Variants in HS2ST1 observed in about 807,000 individuals in gnomAD.
The protein encoded by HS2ST1 is 2-O-sulfotransferase.
Under a neutral mutation model 42.9 loss-of-function variants are expected in HS2ST1, and 18 were observed. The ratio of observed to expected loss-of-function variants is 0.42; its 90% CI spans 0.29 to 0.62. HS2ST1 has a LOEUF of 0.62. Among genes scored for constraint, HS2ST1 ranks in the 20% least tolerant of loss-of-function variants. HS2ST1 has a pLI of 0.21. For synonymous variants in HS2ST1, 146 were observed against 152.9 expected (o/e 0.95, Z 0.33); for missense variants, 334 against 433.8 (o/e 0.77, Z 2.04).
intron 1 of HS2ST1, among the ~76,000 whole-genome samples, chr1:86,981,779 T>C (rs932316576): frequency 6.6e-6 from 1 of 152,210 alleles, no homozygotes; most frequent in Non-Finnish European, 1.5e-5. Flanking sequence ...CGTTTCCAGG[T>C]ACCCAGTGCA....
intron 1 of HS2ST1, among the ~76,000 whole-genome samples, chr1:86,924,201 C>T (rs1660363814): frequency 6.6e-6 from 1 of 152,208 alleles, no homozygotes; most frequent in Non-Finnish European, 1.5e-5. Context: ...GTCTCACATC[C>T]AGGTCACACT....
At chr1:86,922,568 T>G (rs1174203374) in intron 1 of HS2ST1, among the ~76,000 whole-genome samples, 1 of 152,042 alleles carries the variant, frequency 6.6e-6, no homozygotes, top group Non-Finnish European at 1.5e-5. Context: ...AAGTCTTTAT[T>G]TGCTATAGTG....
At chr1:86,939,553 G>A (rs949860221) in intron 1 of HS2ST1, among the ~76,000 whole-genome samples, 1 of 152,098 alleles carries the variant, frequency 6.6e-6, no homozygotes, top group African/African-American at 2.4e-5. Flanking sequence ...AGTGGTTTTC[G>A]CTCTTGGCTA....
intron 1 of HS2ST1, among the ~76,000 whole-genome samples, chr1:86,959,152 G>T (rs907194809): frequency 1.3e-5 from 2 of 152,094 alleles, no homozygotes; most frequent in African/African-American, 4.8e-5. Context: ...TGAGAACATA[G>T]ATCCTTTTCT....
At chr1:86,957,981 C>T (rs1778003) in intron 1 of HS2ST1, among the ~76,000 whole-genome samples, 36,601 of 151,826 alleles carry the variant, frequency 0.24, 5,197 homozygotes, top group African/African-American at 0.39. Context: ...TTAGTAAAGA[C>T]GGGGTTTCAC....
At chr1:86,929,671 C>A (rs1326613327) in intron 1 of HS2ST1, among the ~76,000 whole-genome samples, 1 of 151,622 alleles carries the variant, frequency 6.6e-6, no homozygotes, top group South Asian at 2.1e-4. Flanking sequence ...TAAAATAACT[C>A]TTTGGCCTCT....
rs1660099646 is a variant in HS2ST1 at position 86,914,737 on chromosome 1, A to G, written c.-300A>G. On this transcript the variant is annotated 5_prime_UTR_variant, in exon 1 of 7. Coordinates refer to ENST00000370550, the MANE Select transcript of HS2ST1 (RefSeq NM_012262.4). ...AAGCAGGCGGGCGCGGGGGTCGGGG[A>G]CTGAGGCAGTAGAGGGAGGCGAGAG... 1 of 388,232 alleles carries G rather than the reference A, an allele frequency of 2.6e-6. No individual in the cohort carries two copies. Among genetic ancestry groups the G allele is most frequent in the Non-Finnish European group, 4.7e-6 (1 of 213,390 alleles). The allele number at this position is 388,232 out of a possible 1,614,324, so 24.0% of individuals were successfully genotyped here. A position where few individuals can be genotyped will look rare whatever the true frequency, so the allele number is the denominator to read the frequency against.
At chr1:87,101,147 GTGTTTTTTGTTTTTT>G (rs1652188982) in intron 5 of HS2ST1, among the ~76,000 whole-genome samples, 1 of 75,892 alleles carries the variant, frequency 1.3e-5, no homozygotes, top group African/African-American at 4.9e-5. Context: ...GTGTGTGTGT[GTGTTTTTTGTTTTTT>G]TTTTTTTTTT....
intron 5 of HS2ST1, among the ~76,000 whole-genome samples, chr1:87,101,236 G>A (rs1164336918): frequency 1.5e-5 from 2 of 136,716 alleles, no homozygotes; most frequent in Non-Finnish European, 3.0e-5. Context: ...CACGATCTCG[G>A]TTCACTGCAA....
At chr1:87,010,730 G>A (rs1649574715) in intron 1 of HS2ST1, among the ~76,000 whole-genome samples, 1 of 151,912 alleles carries the variant, frequency 6.6e-6, no homozygotes, top group Non-Finnish European at 1.5e-5. Flanking sequence ...CACAATAAAA[G>A]CATATAAAGA....
chr1:86,995,794 T>C (rs1649081056), intron 1 of HS2ST1, among the ~76,000 whole-genome samples: 1 of 151,958 alleles, frequency 6.6e-6, no homozygotes, highest in African/African-American at 2.4e-5. Context: ...AAAAAATAAG[T>C]AAATAAGACA....
intron 1 of HS2ST1, among the ~76,000 whole-genome samples, chr1:86,948,228 T>C (rs1268290218): frequency 6.6e-6 from 1 of 152,208 alleles, no homozygotes; most frequent in Non-Finnish European, 1.5e-5. Flanking sequence ...GTATAAGAAG[T>C]ATATTTTTTG....
chr1:86,966,278 T>C (rs942335295), intron 1 of HS2ST1, among the ~76,000 whole-genome samples: 2 of 152,222 alleles, frequency 1.3e-5, no homozygotes, highest in Admixed American at 6.5e-5. Context: ...TCCTATTTGA[T>C]GTACCCTGTA....
chr1:86,943,121 A>T (rs1486967662), intron 1 of HS2ST1, among the ~76,000 whole-genome samples: 3 of 152,222 alleles, frequency 2.0e-5, no homozygotes, highest in African/African-American at 7.2e-5. Context: ...ATAACTTTTA[A>T]AAAAAGTATT....
At chr1:87,104,325 C>T (rs892912968) in intron 6 of HS2ST1, 145 bp from the exon 7 acceptor site, 32 of 620,226 alleles carry the variant, frequency 5.2e-5, no homozygotes, top group East Asian at 8.3e-5. Context: ...ATCAAGGCTC[C>T]GTTTTTACCT....
At chr1:87,059,311 G>A (rs1651058233) in intron 1 of HS2ST1, among the ~76,000 whole-genome samples, 1 of 152,178 alleles carries the variant, frequency 6.6e-6, no homozygotes, top group African/African-American at 2.4e-5. Flanking sequence ...CATCTTGAAA[G>A]CCAGCTCTGT....
rs1187231748 is a variant in HS2ST1, at chr1:87,105,305, T to A, written c.*609T>A. The A allele has an allele frequency of 6.6e-6, 1 of 152,610 alleles. No individual in the cohort carries two copies. The highest frequency in any genetic ancestry group is 1.5e-5 in the Non-Finnish European group (1 of 67,996). 9.5% of individuals were successfully genotyped at this position (152,610 alleles called of 1,614,324 possible). On this transcript the variant is annotated 3_prime_UTR_variant, in exon 7 of 7. Coordinates refer to ENST00000370550, the MANE Select transcript of HS2ST1 (RefSeq NM_012262.4). ...TAGTGTTAAAAATCAATTTAAATCA[T>A]GACTAATATGGTAAAAAGATAAAGC...
In HS2ST1 at chr1:87,016,898, G is replaced by A. The variant is rs374819098; in HGVS notation, c.125-56036G>A. On this transcript the variant is annotated intron_variant, in intron 1 of 6. Coordinates refer to ENST00000370550, the MANE Select transcript of HS2ST1 (RefSeq NM_012262.4). ...TTTCAGGTTTTCACTTTCTTTTTGG[G>A]GTCAATTTTTATGACATTTTAAAAG... 2.6e-5 allele frequency among the ~76,000 whole-genome samples: 4 copies of A among 151,548 alleles called. No individual in the cohort carries two copies. In the South Asian group the frequency reaches 8.4e-4, roughly 32 times the overall value.
chr1:86,971,652 AAC>A (rs1319623902), intron 1 of HS2ST1, among the ~76,000 whole-genome samples: 2 of 152,184 alleles, frequency 1.3e-5, no homozygotes, highest in Admixed American at 1.3e-4. Context: ...TTCTGAACAA[AAC>A]AGAGTCCCTT....
Sources: allele counts gnomAD v4.1 joint callset (sites outside exome capture counted in the v4.1 genomes callset), GRCh38; gene constraint gnomAD v4.1.1; transcripts MANE v1.5; gene names NCBI Gene and HGNC (gene_info 2026-07-23, HGNC 2026-07-21).